COX10: variants seen among roughly 807,000 people sequenced by gnomAD.
The protein encoded by COX10 is cytochrome c oxidase assembly factor heme A:farnesyltransferase COX10, also known as protoheme IX farnesyltransferase, mitochondrial.
Under a neutral mutation model 37.3 loss-of-function variants are expected in COX10, and 27 were observed. The observed-to-expected ratio is 0.72, with a 90% CI of 0.53 to 1.00. The LOEUF (loss-of-function observed/expected upper bound fraction) is 1.00. Ranked by LOEUF, COX10 falls within the 50% of genes least tolerant of loss-of-function variation. COX10 has a pLI of 0.00. For missense variants in COX10, 475 were observed against 563.2 expected (o/e 0.84, Z 1.59); for synonymous variants, 222 against 229.1 (o/e 0.97, Z 0.28).
chr17:14,164,765 A>AT (rs1905241500), intron 5 of COX10, among the ~76,000 whole-genome samples: 1 of 152,220 alleles, frequency 6.6e-6, no homozygotes. Flanking sequence ...TTCGCCAGAC[A>AT]TTATAGCTCA....
chr17:14,089,998 G>A (rs894842335), intron 3 of COX10, among the ~76,000 whole-genome samples: 3 of 151,952 alleles, frequency 2.0e-5, no homozygotes, highest in African/African-American at 4.8e-5. Flanking sequence ...AGCTAACCTA[G>A]TCTATCTGAA....
At chr17:14,079,475 A>G (rs1047954962) in intron 3 of COX10, among the ~76,000 whole-genome samples, 4 of 152,312 alleles carry the variant, frequency 2.6e-5, no homozygotes, top group South Asian at 2.1e-4. Context: ...CCTGAGTATC[A>G]TATAGGAGAG....
At chr17:14,167,316 G>C (rs1291733513) in intron 5 of COX10, among the ~76,000 whole-genome samples, 1 of 152,216 alleles carries the variant, frequency 6.6e-6, no homozygotes, top group Non-Finnish European at 1.5e-5. Flanking sequence ...ATGTATTTCT[G>C]ACGAAGATGC....
chr17:14,177,219 T>C, intron 5 of COX10: 1 of 728,624 alleles, frequency 1.4e-6, no homozygotes, highest in Non-Finnish European at 2.5e-6. Flanking sequence ...TTCTAGGGGC[T>C]TCTGGCACTG....
rs57780115 is a variant in COX10 at position 14,071,730 on chromosome 17, CAAAAA to C, written c.43+2098_43+2102del. Among the ~76,000 whole-genome samples, 161 of 113,236 alleles carry C rather than the reference CAAAAA, an allele frequency of 1.4e-3. 1 individual carries two copies. Among genetic ancestry groups the C allele is most frequent in the South Asian group, 8.2e-3 (25 of 3,066 alleles). 74.3% of individuals were successfully genotyped at this position (113,236 alleles called of 152,430 possible). A position where few individuals can be genotyped will look rare whatever the true frequency, so the allele number is the denominator to read the frequency against. The stretch of plus-strand genomic sequence containing the variant: ...GAAATGCCTTCTCTACTAAAAATAC[CAAAAA>C]AAAAAAAAAAAAAAATTAGCCAAGC... On this transcript the variant is annotated intron_variant, in intron 1 of 6. Transcript: ENST00000261643.
At chr17:14,100,448 A>C (rs949116992) in intron 3 of COX10, among the ~76,000 whole-genome samples, 1 of 152,186 alleles carries the variant, frequency 6.6e-6, no homozygotes, top group African/African-American at 2.4e-5. Context: ...CGAGGGAGTA[A>C]CTGGGGAGAC....
At chr17:14,170,716 C>T (rs2142247656) in intron 5 of COX10, among the ~76,000 whole-genome samples, 1 of 152,256 alleles carries the variant, frequency 6.6e-6, no homozygotes, top group South Asian at 2.1e-4. Context: ...TCCTTAGAGG[C>T]TGAGGCAGGA....
At chr17:14,075,560 A>C (rs571034514) in intron 2 of COX10, among the ~76,000 whole-genome samples, 13 of 152,326 alleles carry the variant, frequency 8.5e-5, no homozygotes, top group African/African-American at 3.1e-4. Flanking sequence ...ACAACTGTTT[A>C]GAAGATTAAA....
intron 6 of COX10, among the ~76,000 whole-genome samples, chr17:14,199,090 C>T (rs541212568): frequency 6.0e-5 from 9 of 150,986 alleles, no homozygotes; most frequent in Admixed American, 4.0e-4. Flanking sequence ...AAAAGAGCTA[C>T]GAAAGAACGT....
intron 4 of COX10, among the ~76,000 whole-genome samples, chr17:14,110,220 C>A (rs1342842192): frequency 6.6e-6 from 1 of 151,980 alleles, no homozygotes; most frequent in Non-Finnish European, 1.5e-5. Flanking sequence ...GTTATACTGG[C>A]AAACTTTAAT....
intron 4 of COX10, among the ~76,000 whole-genome samples, chr17:14,106,122 T>G (rs1412993135): frequency 6.6e-6 from 1 of 152,098 alleles, no homozygotes; most frequent in Admixed American, 6.6e-5. Context: ...GTTCAAGCAA[T>G]TCTCCTGCCG....
intron 4 of COX10, among the ~76,000 whole-genome samples, chr17:14,107,883 C>T (rs920480022): frequency 1.4e-4 from 22 of 152,118 alleles, no homozygotes; most frequent in African/African-American, 5.1e-4. Flanking sequence ...GAGTAGAATG[C>T]TCTTCCTCAT....
chr17:14,205,615 A>C (rs1052660897), intron 6 of COX10, among the ~76,000 whole-genome samples: 5 of 151,746 alleles, frequency 3.3e-5, no homozygotes, highest in Non-Finnish European at 7.4e-5. Flanking sequence ...AGTCACCTGC[A>C]CAGGAATAAC....
At chr17:14,156,743 A>G (rs1905048659) in intron 4 of COX10, among the ~76,000 whole-genome samples, 1 of 152,126 alleles carries the variant, frequency 6.6e-6, no homozygotes, top group African/African-American at 2.4e-5. Context: ...CTTGAAGAGT[A>G]TTTGAGGAAA....
At chr17:14,179,009 ATTCTGCTTTGTAACT>A (rs1459020028) in intron 5 of COX10, among the ~76,000 whole-genome samples, 44 of 152,208 alleles carry the variant, frequency 2.9e-4, no homozygotes, top group African/African-American at 9.6e-4. Flanking sequence ...TAAAGCTATG[ATTCTGCTTTGTAACT>A]TTCTAGCTAT....
chr17:14,191,940 T>C (rs911476753), intron 5 of COX10, 49 bp from the exon 6 acceptor site: 2 of 1,596,236 alleles, frequency 1.3e-6, no homozygotes, highest in African/African-American at 1.3e-5. Flanking sequence ...GGTAGTGTGA[T>C]TGAGTTGAGT....
chr17:14,162,254 T>C (rs1387963850), intron 5 of COX10, among the ~76,000 whole-genome samples: 2 of 152,328 alleles, frequency 1.3e-5, no homozygotes, highest in East Asian at 3.9e-4. Flanking sequence ...ACAAGTGTAA[T>C]GAGTGTTTTG....
intron 4 of COX10, among the ~76,000 whole-genome samples, chr17:14,104,685 GT>G (rs1213365149): frequency 6.6e-6 from 1 of 151,816 alleles, no homozygotes; most frequent in Non-Finnish European, 1.5e-5. Context: ...TATTCATTTA[GT>G]TTTCAGTATT....
At chr17:14,189,406 C>A (rs1906133782) in intron 5 of COX10, among the ~76,000 whole-genome samples, 1 of 152,208 alleles carries the variant, frequency 6.6e-6, no homozygotes, top group African/African-American at 2.4e-5. Context: ...TGTTCTTAAA[C>A]AAGTTATCCA....
Sources: allele counts gnomAD v4.1 joint callset (sites outside exome capture counted in the v4.1 genomes callset), GRCh38; gene constraint gnomAD v4.1.1; transcripts MANE v1.5; gene names NCBI Gene and HGNC (gene_info 2026-07-23, HGNC 2026-07-21).